MYEF2: variants seen among roughly 807,000 people sequenced by gnomAD.
The protein encoded by MYEF2 is myelin gene expression factor 2.
Under a neutral mutation model 75.2 loss-of-function variants are expected in MYEF2, and 37 were observed. That is an observed-to-expected ratio of 0.49 (90% CI 0.38 to 0.65). The LOEUF (loss-of-function observed/expected upper bound fraction) is 0.65, where lower values mean the gene tolerates loss of function less well. MYEF2 is among the 30% of genes least tolerant of loss of function. The pLI is 0.00. For missense variants in MYEF2, 634 were observed against 771.4 expected (o/e 0.82, Z 2.11); for synonymous variants, 195 against 241.6 (o/e 0.81, Z 1.79).
At position 48,138,483 on chromosome 15, in the gene MYEF2, T is replaced by A. The variant is rs2038957751; in HGVS notation, c.*4425A>T. The A allele has an allele frequency of 6.6e-6, 1 of 152,522 alleles. No individual in the cohort carries two copies. The highest frequency in any genetic ancestry group is 6.5e-5 in the Admixed American group (1 of 15,330). 9.4% of individuals were successfully genotyped at this position (152,522 alleles called of 1,614,324 possible). A position where few individuals can be genotyped will look rare whatever the true frequency, so the allele number is the denominator to read the frequency against. ...CAAAAAAACCACTTCCACTAAGAATTAGGATATGCGACTTAATAAAAAAAT... is the reference window on the plus strand; with the variant it reads ...CAAAAAAACCACTTCCACTAAGAATAAGGATATGCGACTTAATAAAAAAAT... On this transcript the variant is annotated 3_prime_UTR_variant, in exon 17 of 17. Coordinates refer to ENST00000324324, the MANE Select transcript of MYEF2 (RefSeq NM_016132.5).
chr15:48,163,852 T>G (rs1053726278), intron 5 of MYEF2, among the ~76,000 whole-genome samples: 2 of 152,184 alleles, frequency 1.3e-5, no homozygotes, highest in Non-Finnish European at 2.9e-5. Flanking sequence ...TGTTTAAGGA[T>G]AGTTTGCTGA....
At chr15:48,159,848 A>G in intron 5 of MYEF2, 44 bp from the exon 6 acceptor site, 1 of 1,521,276 alleles carries the variant, frequency 6.6e-7, no homozygotes, top group Non-Finnish European at 8.9e-7. Flanking sequence ...ATACATCACT[A>G]ATTCTACAAA....
intron 5 of MYEF2, among the ~76,000 whole-genome samples, chr15:48,163,072 G>C (rs979167025): frequency 6.6e-6 from 1 of 152,158 alleles, no homozygotes; most frequent in Non-Finnish European, 1.5e-5. Flanking sequence ...CGGGCCTCTT[G>C]CATCGAAGTT....
At chr15:48,175,551 C>A (rs546041255) in intron 1 of MYEF2, among the ~76,000 whole-genome samples, 1 of 152,058 alleles carries the variant, frequency 6.6e-6, no homozygotes, top group Admixed American at 6.6e-5. Context: ...TATTTGTATA[C>A]CAAACCATCA....
intron 16 of MYEF2, among the ~76,000 whole-genome samples, chr15:48,146,367 G>A (rs1430577726): frequency 1.3e-5 from 2 of 151,764 alleles, no homozygotes; most frequent in Non-Finnish European, 2.9e-5. Flanking sequence ...ACCAGCCTGG[G>A]GTCAAAAATG....
chr15:48,137,049 C>T lies in MYEF2; in HGVS notation c.*5859G>A. 16 of 1,398,092 alleles carry T rather than the reference C, an allele frequency of 1.1e-5. No individual in the cohort carries two copies. The highest frequency in any genetic ancestry group is 1.4e-5 in the Non-Finnish European group (15 of 1,041,014). 86.6% of individuals were successfully genotyped at this position (1,398,092 alleles called of 1,614,324 possible). On this transcript the variant is annotated 3_prime_UTR_variant, in exon 17 of 17. Transcript: ENST00000324324. ...ATTTCAATTCAGCAAGTATTGTGTG[C>T]TTTTTATGTAAAAAAGACTGTGAAG...
intron 1 of MYEF2, among the ~76,000 whole-genome samples, chr15:48,169,323 A>C (rs1423540738): frequency 6.6e-6 from 1 of 152,234 alleles, no homozygotes; most frequent in Non-Finnish European, 1.5e-5. Flanking sequence ...CTCCTCCCTT[A>C]ATTAGAAGCA....
chr15:48,171,778 A>G (rs1395180634), intron 1 of MYEF2, among the ~76,000 whole-genome samples: 13 of 152,216 alleles, frequency 8.5e-5, no homozygotes, highest in Non-Finnish European at 1.9e-4. Flanking sequence ...ATGATGCTAC[A>G]TAATTCCAAA....
Position 48,140,905 on chromosome 15 carries a change from T to C in MYEF2, c.*2003A>G, listed in dbSNP as rs995160192. On this transcript the variant is annotated 3_prime_UTR_variant, in exon 17 of 17. Transcript: ENST00000324324. ...CTGTTACGTATCTTTAGATATGTCA[T>C]TAAAAATCTGTGCTACCTGGGTTAC... 4.5e-6 allele frequency: 2 copies of C among 447,050 alleles called. No homozygotes were observed. Among genetic ancestry groups the C allele is most frequent in the Admixed American group, 7.4e-5 (2 of 27,048 alleles). The allele number at this position is 447,050 out of a possible 1,614,324, so 27.7% of individuals were successfully genotyped here.
rs2038945109 is a variant in MYEF2 at position 48,138,044 on chromosome 15, T to C, written c.*4864A>G. The C allele has an allele frequency of 6.6e-6, 1 of 152,134 alleles. No homozygotes were observed. The highest frequency in any genetic ancestry group is 1.5e-5 in the Non-Finnish European group (1 of 67,984). 9.4% of individuals were successfully genotyped at this position (152,134 alleles called of 1,614,324 possible). ...CCCTTTTTACAAAAATTTTAGCTTC[T>C]ACTCTTTCAGGTATAAGAGGTATGC... On this transcript the variant is annotated 3_prime_UTR_variant, in exon 17 of 17. Transcript: ENST00000324324.
At chr15:48,144,877 G>A (rs371738953) in intron 16 of MYEF2, among the ~76,000 whole-genome samples, 188 of 151,892 alleles carry the variant, frequency 1.2e-3, no homozygotes, top group African/African-American at 4.4e-3. Context: ...ACCTAAAAAC[G>A]TAGAGTTTTT....
Position 48,149,396 on chromosome 15 carries a change from G to A in MYEF2, c.1379-25C>T, listed in dbSNP as rs771796299. The A allele has an allele frequency of 3.6e-5, 58 of 1,605,946 alleles. No homozygotes were observed. The highest frequency in any genetic ancestry group is 6.7e-5 in the Admixed American group (4 of 59,672). On this transcript the variant is annotated intron_variant, in intron 14 of 16. Coordinates refer to ENST00000324324, the MANE Select transcript of MYEF2 (RefSeq NM_016132.5). The surrounding 1 kb of genome is among the most constrained non-coding windows in gnomAD (Gnocchi z 4.0). ...CCTGGATTTTCAAGAAAGGACGGGG[G>A]GATTTGGGAATTTTGTGTTTTTGTT...
intron 1 of MYEF2, among the ~76,000 whole-genome samples, chr15:48,170,514 A>C (rs1053477550): frequency 2.6e-5 from 4 of 152,204 alleles, no homozygotes; most frequent in Admixed American, 2.0e-4. Context: ...TTTCACAAAC[A>C]TTACTAATAA....
intron 12 of MYEF2, 135 bp downstream of exon 12, chr15:48,151,739 G>A: frequency 8.5e-7 from 1 of 1,182,702 alleles, no homozygotes; most frequent in Non-Finnish European, 1.2e-6. Context: ...CATTCCCCAG[G>A]CCTGTCCTTA....
At chr15:48,161,055 G>A (rs1181759235) in intron 5 of MYEF2, among the ~76,000 whole-genome samples, 3 of 151,970 alleles carry the variant, frequency 2.0e-5, no homozygotes, top group East Asian at 1.9e-4. Context: ...AAGCTATTTC[G>A]GTTGTTTGTG....
chr15:48,172,110 G>A (rs1401122502), intron 1 of MYEF2, among the ~76,000 whole-genome samples: 12 of 152,150 alleles, frequency 7.9e-5, no homozygotes, highest in African/African-American at 1.2e-4. Flanking sequence ...TAAGAAAAAC[G>A]ACCTCCAGGC....
At chr15:48,150,347 G>C (rs1013837655) in intron 14 of MYEF2, among the ~76,000 whole-genome samples, 3 of 152,006 alleles carry the variant, frequency 2.0e-5, no homozygotes, top group African/African-American at 7.2e-5. Flanking sequence ...GGAAGTAGAC[G>C]TCTTAAGCTG....
chr15:48,173,902 T>C (rs1047471326), intron 1 of MYEF2, among the ~76,000 whole-genome samples: 1 of 152,154 alleles, frequency 6.6e-6, no homozygotes, highest in African/African-American at 2.4e-5. Context: ...ATTAATATTG[T>C]CAAAATGTCC....
At position 48,135,137 on chromosome 15, in the gene MYEF2, G is replaced by A. The variant is rs1446423437; in HGVS notation, c.*7771C>T. ...TCTGTGAGTTAACCTCATCACAATT[G>A]CTGATTGAGTTCTTCTCACTAGTTT... On this transcript the variant is annotated 3_prime_UTR_variant, in exon 17 of 17. Coordinates refer to ENST00000324324, the MANE Select transcript of MYEF2 (RefSeq NM_016132.5). 3.6e-6 allele frequency: 2 copies of A among 551,070 alleles called. No homozygotes were observed. The highest frequency in any genetic ancestry group is 6.5e-6 in the Non-Finnish European group (2 of 309,070). 34.1% of individuals were successfully genotyped at this position (551,070 alleles called of 1,614,324 possible).
Sources: allele counts gnomAD v4.1 joint callset (sites outside exome capture counted in the v4.1 genomes callset), GRCh38; gene constraint gnomAD v4.1.1; non-coding constraint Gnocchi (gnomAD v3.1); transcripts MANE v1.5; gene names NCBI Gene and HGNC (gene_info 2026-07-23, HGNC 2026-07-21).